Variants in TMEM53 observed in about 807,000 individuals in gnomAD.
TMEM53 encodes the protein transmembrane protein 53, also known as novel DUF829 domain-containing protein.
Under a neutral mutation model 21.4 loss-of-function variants are expected in TMEM53, and 14 were observed. The ratio of observed to expected loss-of-function variants is 0.65; its 90% CI spans 0.43 to 1.02. The LOEUF is 1.02. Ranked by LOEUF, TMEM53 falls within the 50% of genes least tolerant of loss-of-function variation. The pLI is 0.00. For missense variants in TMEM53, 323 were observed against 383.6 expected (o/e 0.84, Z 1.32); for synonymous variants, 148 against 157.4 (o/e 0.94, Z 0.45).
At chr1:44,661,417 T>TA (rs149985380) in intron 1 of TMEM53, among the ~76,000 whole-genome samples, 2 of 150,068 alleles carry the variant, frequency 1.3e-5, no homozygotes, top group African/African-American at 2.4e-5. Flanking sequence ...TTTTTTTTTT[T>TA]AAGAGTAAAA....
At chr1:44,660,818 A>G (rs1287488273) in intron 1 of TMEM53, among the ~76,000 whole-genome samples, 1 of 151,900 alleles carries the variant, frequency 6.6e-6, no homozygotes, top group Non-Finnish European at 1.5e-5. Flanking sequence ...TACAAAAAAA[A>G]AAAAATTAGC....
intron 1 of TMEM53, among the ~76,000 whole-genome samples, chr1:44,670,707 G>A (rs572504424): frequency 6.6e-6 from 1 of 152,296 alleles, no homozygotes; most frequent in East Asian, 1.9e-4. Flanking sequence ...AAAACCTGGG[G>A]AGCAAAAACC....
intron 1 of TMEM53, among the ~76,000 whole-genome samples, chr1:44,668,497 C>A (rs1411131543): frequency 2.6e-5 from 4 of 152,114 alleles, no homozygotes; most frequent in African/African-American, 9.7e-5. Context: ...TCTCTACTCC[C>A]CAGAAAAACT....
At chr1:44,659,782 C>G (rs1301581730) in intron 2 of TMEM53, among the ~76,000 whole-genome samples, 3 of 151,672 alleles carry the variant, frequency 2.0e-5, no homozygotes, top group African/African-American at 7.3e-5. Context: ...GGGGTCACGC[C>G]AGGCCACAGA....
intron 2 of TMEM53, among the ~76,000 whole-genome samples, chr1:44,657,061 G>A (rs1255666937): frequency 6.6e-6 from 1 of 151,996 alleles, no homozygotes; most frequent in Admixed American, 6.6e-5. Context: ...TGGCGTGGTG[G>A]TGCATGCCTG....
Position 44,674,311 on chromosome 1 carries a change from A to AC in TMEM53, c.61+19dup. ...CATGAGGTCACCTCCCCGCGCCTGG[A>AC]CCCAACCCTCATTCCATACTCTGGC... On this transcript the variant is annotated intron_variant, in intron 1 of 2. Coordinates refer to ENST00000372237, the MANE Select transcript of TMEM53 (RefSeq NM_024587.4). The AC allele has an allele frequency of 6.2e-7, 1 of 1,607,410 alleles. No homozygotes were observed. The highest frequency in any genetic ancestry group is 1.1e-5 in the South Asian group (1 of 90,466).
chr1:44,666,698 G>T (rs1644951177), intron 1 of TMEM53, among the ~76,000 whole-genome samples: 1 of 152,292 alleles, frequency 6.6e-6, no homozygotes, highest in Admixed American at 6.5e-5. Flanking sequence ...ATTAGTGGTT[G>T]CCAAGGGCTG....
At chr1:44,660,702 C>T (rs188047537) in intron 1 of TMEM53, among the ~76,000 whole-genome samples, 2,439 of 151,888 alleles carry the variant, frequency 0.016, 84 homozygotes, top group Admixed American at 0.067. Context: ...AAAAAAAAAT[C>T]GGCTGGGCGC....
At chr1:44,662,563 A>G (rs1428252765) in intron 1 of TMEM53, among the ~76,000 whole-genome samples, 1 of 152,054 alleles carries the variant, frequency 6.6e-6, no homozygotes, top group East Asian at 1.9e-4. Context: ...GAGGGTAATC[A>G]GCAGCTACCG....
chr1:44,655,071 G>A lies in TMEM53; in HGVS notation c.322C>T (p.Leu108Phe), dbSNP rs1644836861. ...CCACCGTTGCTGAAGACATGGAAGAGCAGGGGCTCCTTCTCAATCTCATAA... is the reference window on the plus strand; with the variant it reads ...CCACCGTTGCTGAAGACATGGAAGAACAGGGGCTCCTTCTCAATCTCATAA... ...FDYEIEKEPL[L>F]FHVFSNGGVM... The change falls in exon 3 of 3, where the codon CTC becomes TTC. Residue 108 changes from leucine (L) to phenylalanine (F), a missense_variant. Physicochemically the swap from Leu to Phe is conservative, Grantham distance 22. This residue lies in a region of TMEM53 where 269 missense variants were observed against 334.5 expected (regional missense o/e 0.80). Coordinates refer to ENST00000372237, the MANE Select transcript of TMEM53 (RefSeq NM_024587.4). The surrounding 1 kb of genome is among the most constrained non-coding windows in gnomAD (Gnocchi z 4.4). The A allele has an allele frequency of 6.2e-7, 1 of 1,614,106 alleles. No homozygotes were observed. Among genetic ancestry groups the A allele is most frequent in the African/African-American group, 1.3e-5 (1 of 74,938 alleles).
Position 44,655,297 on chromosome 1 carries a change from T to C in TMEM53, c.184-88A>G. 7.4e-7 allele frequency: 1 copy of C among 1,353,584 alleles called. No individual in the cohort carries two copies. The highest frequency in any genetic ancestry group is 1.0e-6 in the Non-Finnish European group (1 of 1,000,704). The allele number at this position is 1,353,584 out of a possible 1,614,324, so 83.8% of individuals were successfully genotyped here. A position where few individuals can be genotyped will look rare whatever the true frequency, so the allele number is the denominator to read the frequency against. Reference sequence around the variant, plus strand: ...TCAGAGGGGCCCAGCAACCCCAGCCTGTAGGACATAGGCCATGGGGCCCAC... The same window carrying C: ...TCAGAGGGGCCCAGCAACCCCAGCCCGTAGGACATAGGCCATGGGGCCCAC... On this transcript the variant is annotated intron_variant, in intron 2 of 2. Transcript: ENST00000372237. The surrounding 1 kb of genome is among the most constrained non-coding windows in gnomAD (Gnocchi z 4.4).
chr1:44,654,922 G>A lies in TMEM53; in HGVS notation c.471C>T (p.Ala157=). 6.2e-7 allele frequency: 1 copy of A among 1,613,276 alleles called. No homozygotes were observed. The highest frequency in any genetic ancestry group is 8.5e-7 in the Non-Finnish European group (1 of 1,179,790). ...GDSNLVGALR[A]LAAILERRAA... is the part of the protein sequence containing the mutation. Reference sequence around the variant, plus strand: ...CCCGGCGCTCCAGGATGGCTGCCAGGGCCCGCAGAGCCCCTACCAGGTTGC... The same window carrying A: ...CCCGGCGCTCCAGGATGGCTGCCAGAGCCCGCAGAGCCCCTACCAGGTTGC... The change falls in exon 3 of 3, where the codon GCC becomes GCT. Residue 157 remains alanine (A), a synonymous_variant. Coordinates refer to ENST00000372237, the MANE Select transcript of TMEM53 (RefSeq NM_024587.4). The surrounding 1 kb of genome is among the most constrained non-coding windows in gnomAD (Gnocchi z 7.0).
chr1:44,674,148 G>A, intron 1 of TMEM53, 183 bp downstream of exon 1: 8 of 985,420 alleles, frequency 8.1e-6, no homozygotes, highest in Non-Finnish European at 9.6e-6. Context: ...GGAACACTCT[G>A]GGGCGGGACT....
intron 1 of TMEM53, among the ~76,000 whole-genome samples, chr1:44,661,554 A>G (rs1192538693): frequency 1.3e-5 from 2 of 152,154 alleles, no homozygotes; most frequent in East Asian, 3.9e-4. Context: ...AGGCAGGGAC[A>G]TGAGGCTGAC....
chr1:44,658,537 G>A (rs1012543501), intron 2 of TMEM53, among the ~76,000 whole-genome samples: 29 of 151,440 alleles, frequency 1.9e-4, no homozygotes, highest in African/African-American at 1.5e-4. Flanking sequence ...CAATCTCCCC[G>A]CTACTCTGCA....
chr1:44,657,070 T>C (rs1644857362), intron 2 of TMEM53, among the ~76,000 whole-genome samples: 1 of 151,424 alleles, frequency 6.6e-6, no homozygotes, highest in Non-Finnish European at 1.5e-5. Flanking sequence ...GGTGCATGCC[T>C]GCAGTCCCAG....
In TMEM53 at chr1:44,655,081, C is replaced by T; in HGVS notation, c.312G>A (p.Lys104=). 4 of 1,614,208 alleles carry T rather than the reference C, an allele frequency of 2.5e-6. No individual in the cohort carries two copies. The highest frequency in any genetic ancestry group is 2.2e-5 in the South Asian group (2 of 91,086). ...LELLFDYEIE[K]EPLLFHVFSN... is the part of the protein sequence containing the mutation. ...TGAAGACATGGAAGAGCAGGGGCTC[C>T]TTCTCAATCTCATAATCAAAGAGCA... Residue 104 remains lysine, a synonymous_variant, in exon 3 of 3, where the codon AAG becomes AAA. Coordinates refer to ENST00000372237, the MANE Select transcript of TMEM53 (RefSeq NM_024587.4). This position sits in a 1 kb window ranked among gnomAD's most constrained non-coding sequence, Gnocchi z 4.4.
In TMEM53 at chr1:44,660,306, G is replaced by C; in HGVS notation, c.62-11C>G. On this transcript the variant is annotated splice_polypyrimidine_tract_variant and intron_variant, in intron 1 of 2. Transcript: ENST00000372237. ...GGCTGGGGCTGTTCTCTGAAACACA[G>C]ATGTGGACTGTCAACACCAGAGCTG... The C allele has an allele frequency of 1.2e-6, 2 of 1,611,222 alleles. No individual in the cohort carries two copies. The highest frequency in any genetic ancestry group is 1.7e-6 in the Non-Finnish European group (2 of 1,178,952).
chr1:44,664,482 T>TGC (rs1644930157), intron 1 of TMEM53, among the ~76,000 whole-genome samples: 2 of 151,838 alleles, frequency 1.3e-5, no homozygotes, highest in South Asian at 4.1e-4. Flanking sequence ...GCAATACTCT[T>TGC]ATGAGCAAGA....
Sources: allele counts gnomAD v4.1 joint callset (sites outside exome capture counted in the v4.1 genomes callset), GRCh38; gene constraint gnomAD v4.1.1; regional missense constraint gnomAD v4.1.1; non-coding constraint Gnocchi (gnomAD v3.1); transcripts MANE v1.5; gene names NCBI Gene and HGNC (gene_info 2026-07-23, HGNC 2026-07-21).